The following METTL8 variants were observed in gnomAD, a reference collection of about 807,000 sequenced individuals.
The protein encoded by METTL8 is methyltransferase 8, tRNA N3-cytidine, also known as tRNA N(3)-cytidine methyltransferase METTL8, mitochondrial.
In METTL8, 32 loss-of-function variants were observed where a neutral mutation model predicts 48.7. The observed-to-expected ratio is 0.66, with a 90% confidence interval of 0.50 to 0.88. The LOEUF (loss-of-function observed/expected upper bound fraction) is 0.88. METTL8 is among the 40% of genes least tolerant of loss of function. The pLI is 0.00. For synonymous variants in METTL8, 136 were observed against 157.1 expected (o/e 0.87, Z 1.01); for missense variants, 464 against 474.4 (o/e 0.98, Z 0.20).
At chr2:171,365,120 G>A (rs1236544459) in intron 2 of METTL8, among the ~76,000 whole-genome samples, 1 of 152,152 alleles carries the variant, frequency 6.6e-6, no homozygotes, top group Non-Finnish European at 1.5e-5. Flanking sequence ...CATCTGAGGA[G>A]AAAAGTCTCC....
intron 6 of METTL8, among the ~76,000 whole-genome samples, chr2:171,331,543 A>G: frequency 6.6e-6 from 1 of 151,840 alleles, no homozygotes; most frequent in Non-Finnish European, 1.5e-5. Context: ...CAGCCTCCCA[A>G]ATAGCTGGAA....
chr2:171,347,143 C>T (rs1315445018), intron 3 of METTL8, among the ~76,000 whole-genome samples: 3 of 152,226 alleles, frequency 2.0e-5, no homozygotes, highest in Non-Finnish European at 2.9e-5. Context: ...AAGCCTTTAT[C>T]TCTTTGAGTC....
chr2:171,340,214 GAA>G (rs1686583193), intron 3 of METTL8, among the ~76,000 whole-genome samples: 2 of 78,930 alleles, frequency 2.5e-5, no homozygotes, highest in Admixed American at 1.3e-4. Flanking sequence ...AAAAAAAAAA[GAA>G]TGAGGGCTGG....
chr2:171,355,951 G>A (rs1684490221), intron 3 of METTL8, among the ~76,000 whole-genome samples: 1 of 151,756 alleles, frequency 6.6e-6, no homozygotes, highest in Admixed American at 6.6e-5. Flanking sequence ...TTTGGCTCAT[G>A]CTCCGTGGGC....
At chr2:171,392,568 AAT>A (rs1184036116) in intron 1 of METTL8, among the ~76,000 whole-genome samples, 2 of 152,190 alleles carry the variant, frequency 1.3e-5, no homozygotes, top group Non-Finnish European at 1.5e-5. Flanking sequence ...ATTCTAGGAA[AAT>A]ATATTTCTAG....
intron 1 of METTL8, among the ~76,000 whole-genome samples, chr2:171,429,214 C>T (rs537335365): frequency 1.6e-4 from 24 of 152,162 alleles, no homozygotes; most frequent in Middle Eastern, 3.4e-3. Context: ...TGAATTCACA[C>T]GTGTGTTTAG....
At chr2:171,405,327 T>C (rs1039498705) in intron 1 of METTL8, among the ~76,000 whole-genome samples, 1 of 152,134 alleles carries the variant, frequency 6.6e-6, no homozygotes, top group Non-Finnish European at 1.5e-5. Context: ...ATGGAACTAA[T>C]GGTAATACTG....
At chr2:171,351,696 T>C (rs1188907493) in intron 3 of METTL8, among the ~76,000 whole-genome samples, 1 of 152,232 alleles carries the variant, frequency 6.6e-6, no homozygotes, top group Non-Finnish European at 1.5e-5. Context: ...GTAATTTGGA[T>C]TCCTAGGTAT....
chr2:171,383,992 C>T (rs1210965352), intron 2 of METTL8, among the ~76,000 whole-genome samples: 2 of 152,186 alleles, frequency 1.3e-5, no homozygotes, highest in African/African-American at 4.8e-5. Flanking sequence ...CACCCATGTT[C>T]ATAGCAGAAC....
At chr2:171,356,384 C>T (rs1317845602) in intron 3 of METTL8, among the ~76,000 whole-genome samples, 1 of 152,156 alleles carries the variant, frequency 6.6e-6, no homozygotes, top group Non-Finnish European at 1.5e-5. Context: ...GGTGATCCAC[C>T]CACCTTGGGC....
At chr2:171,405,659 A>AAT (rs1690100110) in intron 1 of METTL8, among the ~76,000 whole-genome samples, 1 of 150,146 alleles carries the variant, frequency 6.7e-6, no homozygotes, top group African/African-American at 2.5e-5. Flanking sequence ...AGGATGAGAG[A>AAT]ACACACACAC....
At chr2:171,407,269 C>T (rs1289668393) in intron 1 of METTL8, among the ~76,000 whole-genome samples, 1 of 151,774 alleles carries the variant, frequency 6.6e-6, no homozygotes, top group Non-Finnish European at 1.5e-5. Flanking sequence ...TCACTTGAGC[C>T]CAGGATTTTG....
intron 1 of METTL8, among the ~76,000 whole-genome samples, chr2:171,426,209 G>C (rs1057058207): frequency 6.6e-6 from 1 of 152,090 alleles, no homozygotes; most frequent in African/African-American, 2.4e-5. Flanking sequence ...AGCCTGGCTA[G>C]TAGAAAGGGG....
At chr2:171,401,696 A>G (rs1689657588) in intron 1 of METTL8, among the ~76,000 whole-genome samples, 1 of 152,164 alleles carries the variant, frequency 6.6e-6, no homozygotes, top group Non-Finnish European at 1.5e-5. Context: ...CGTTGTCTCC[A>G]AACACATTAT....
chr2:171,339,627 T>C (rs1686496428), intron 3 of METTL8, 73 bp from the exon 4 acceptor site: 2 of 736,648 alleles, frequency 2.7e-6, no homozygotes, highest in Non-Finnish European at 2.1e-6. Flanking sequence ...GTCTTGATAA[T>C]TGTTAAACAT....
At chr2:171,330,832 T>C in intron 6 of METTL8, 134 bp from the exon 7 acceptor site, 1 of 686,186 alleles carries the variant, frequency 1.5e-6, no homozygotes, top group South Asian at 2.2e-5. Flanking sequence ...GAACACTTTT[T>C]TCCAATTCAG....
At chr2:171,403,933 A>G (rs990177064) in intron 1 of METTL8, among the ~76,000 whole-genome samples, 27 of 150,524 alleles carry the variant, frequency 1.8e-4, no homozygotes, top group African/African-American at 6.6e-4. Context: ...AGAGAGCAAG[A>G]TGATGAGATC....
chr2:171,355,994 A>G (rs985169187), intron 3 of METTL8, among the ~76,000 whole-genome samples: 1 of 152,146 alleles, frequency 6.6e-6, no homozygotes, highest in Admixed American at 6.5e-5. Context: ...CTGTCCGACA[A>G]GCCCCAGTGA....
chr2:171,329,282 C>T (rs1328395019), intron 7 of METTL8, among the ~76,000 whole-genome samples: 2 of 152,246 alleles, frequency 1.3e-5, no homozygotes, highest in Non-Finnish European at 2.9e-5. Context: ...TGAACCACTG[C>T]ACCTGGCCTT....
Sources: gnomAD v4.1 joint callset for allele counts (sites outside exome capture counted in the v4.1 genomes callset) on GRCh38, gnomAD v4.1.1 for gene constraint, MANE v1.5 for transcripts, NCBI Gene and HGNC (gene_info 2026-07-23, HGNC 2026-07-21) for gene names.